Variants in FGD5 observed in about 807,000 individuals in gnomAD.
FGD5 encodes the protein FYVE, RhoGEF and PH domain-containing protein 5.
Under a neutral mutation model 133.4 loss-of-function variants are expected in FGD5, and 28 were observed. The observed-to-expected ratio is 0.21, with a 90% confidence interval of 0.16 to 0.29. FGD5 has a LOEUF of 0.29. Among genes scored for constraint, FGD5 ranks in the 10% least tolerant of loss-of-function variants. FGD5 has a pLI of 1.00. For synonymous variants in FGD5, 810 were observed against 776.5 expected (o/e 1.04, Z -0.72); for missense variants, 1,858 against 1,895.2 (o/e 0.98, Z 0.36).
chr3:14,814,787 A>G (rs1470556225), upstream of FGD5, among the ~76,000 whole-genome samples: 2 of 152,132 alleles, frequency 1.3e-5, no homozygotes, highest in African/African-American at 2.4e-5. Flanking sequence ...GCAAACTGAA[A>G]TTCTGGATTT....
intron 9 of FGD5, among the ~76,000 whole-genome samples, chr3:14,903,385 G>A (rs1575245828): frequency 6.6e-6 from 1 of 151,202 alleles, no homozygotes. Flanking sequence ...ATACTTTTAG[G>A]GTACATGTGC....
At chr3:14,845,382 G>C (rs1339036461) in intron 1 of FGD5, among the ~76,000 whole-genome samples, 1 of 152,232 alleles carries the variant, frequency 6.6e-6, no homozygotes, top group Non-Finnish European at 1.5e-5. Flanking sequence ...TAGTGATGGG[G>C]ATGCCCCTCC....
chr3:14,836,361 G>A (rs2036817329), intron 1 of FGD5, among the ~76,000 whole-genome samples: 1 of 152,216 alleles, frequency 6.6e-6, no homozygotes, highest in Non-Finnish European at 1.5e-5. Flanking sequence ...TCAAGGCTGG[G>A]TTCAGAGCTG....
chr3:14,835,911 A>G (rs1216346109), intron 1 of FGD5, among the ~76,000 whole-genome samples: 1 of 152,152 alleles, frequency 6.6e-6, no homozygotes, highest in Non-Finnish European at 1.5e-5. Context: ...ATTGTACCTG[A>G]TATGAAGAAG....
At chr3:14,855,233 G>T (rs1270233378) in intron 1 of FGD5, among the ~76,000 whole-genome samples, 1 of 152,080 alleles carries the variant, frequency 6.6e-6, no homozygotes, top group Non-Finnish European at 1.5e-5. Flanking sequence ...CGTTGTGTAT[G>T]TATTTTCATT....
At chr3:14,902,197 G>A (rs922448536) in intron 9 of FGD5, among the ~76,000 whole-genome samples, 4 of 151,444 alleles carry the variant, frequency 2.6e-5, no homozygotes, top group African/African-American at 7.3e-5. Flanking sequence ...CTAGAGAATC[G>A]CTTGAACCTG....
intron 4 of FGD5, among the ~76,000 whole-genome samples, chr3:14,883,773 A>G (rs1310575669): frequency 6.6e-6 from 1 of 152,142 alleles, no homozygotes; most frequent in East Asian, 1.9e-4. Flanking sequence ...AATTTACATT[A>G]CTCCATGTAA....
At chr3:14,862,134 C>CT in intron 1 of FGD5, among the ~76,000 whole-genome samples, 1 of 152,284 alleles carries the variant, frequency 6.6e-6, no homozygotes, top group African/African-American at 2.4e-5. Flanking sequence ...GGGTTTCTGG[C>CT]TTTCTGCCTG....
At chr3:14,907,885 CT>C (rs2038370216) in intron 10 of FGD5, among the ~76,000 whole-genome samples, 174 bp downstream of exon 10, 2 of 152,228 alleles carry the variant, frequency 1.3e-5, no homozygotes, top group African/African-American at 4.8e-5. Flanking sequence ...CAGTCCTAGG[CT>C]GCCTTCCCTG....
At chr3:14,906,630 G>A (rs1400282521) in intron 9 of FGD5, among the ~76,000 whole-genome samples, 2 of 152,192 alleles carry the variant, frequency 1.3e-5, no homozygotes, top group Admixed American at 1.3e-4. Context: ...AGATTCCCTC[G>A]CGTCTGCAGC....
At chr3:14,855,651 G>GTT (rs564359159) in intron 1 of FGD5, among the ~76,000 whole-genome samples, 14 of 147,838 alleles carry the variant, frequency 9.5e-5, no homozygotes, top group East Asian at 3.9e-4. Flanking sequence ...CCATTTGTAT[G>GTT]TTTTTTTTTT....
chr3:14,902,281 TAAAA>T (rs34728691), intron 9 of FGD5, among the ~76,000 whole-genome samples: 1 of 124,486 alleles, frequency 8.0e-6, no homozygotes, highest in Admixed American at 8.2e-5. Flanking sequence ...GATTCCATCT[TAAAA>T]AAAAAAAAAA....
intron 2 of FGD5, among the ~76,000 whole-genome samples, chr3:14,866,676 C>T (rs2037500199): frequency 6.6e-6 from 1 of 152,178 alleles, no homozygotes; most frequent in Non-Finnish European, 1.5e-5. Flanking sequence ...ACAATGCATG[C>T]CACTCAGGAA....
intron 4 of FGD5, among the ~76,000 whole-genome samples, chr3:14,889,531 C>T (rs963639096): frequency 6.6e-6 from 1 of 152,146 alleles, no homozygotes; most frequent in African/African-American, 2.4e-5. Context: ...CCATAAACAC[C>T]TGAAGTCATT....
intron 2 of FGD5, among the ~76,000 whole-genome samples, chr3:14,865,119 A>ACCCCCCCCCCCCCCCCCC (rs1216267069): frequency 7.1e-6 from 1 of 140,744 alleles, no homozygotes; most frequent in Non-Finnish European, 1.5e-5. Flanking sequence ...CCCCCACCCA[A>ACCCCCCCCCCCCCCCCCC]CCCACCCATC....
At chr3:14,867,092 T>C (rs1182121193) in intron 2 of FGD5, among the ~76,000 whole-genome samples, 3 of 152,240 alleles carry the variant, frequency 2.0e-5, no homozygotes. Context: ...ACCTACACTT[T>C]AATTGCACAA....
chr3:14,909,115 T>C (rs537773594), intron 10 of FGD5, among the ~76,000 whole-genome samples: 3 of 151,854 alleles, frequency 2.0e-5, no homozygotes, highest in African/African-American at 7.2e-5. Context: ...ATTACAGGCA[T>C]GTGCCACCAT....
At position 14,821,202 on chromosome 3, in the gene FGD5, G is replaced by A; in HGVS notation, c.2131G>A (p.Gly711Arg). The change falls in exon 1 of 20, where the codon GGG becomes AGG. Residue 711 changes from glycine (G) to arginine (R), a missense_variant. By Grantham distance (125) the Gly-to-Arg change is moderately radical (BLOSUM62 -2). Around this residue, in one of 3 missense-constraint regions of FGD5, gnomAD observed 1,824 missense variants for 1,848.9 expected, o/e 0.99. Transcript: ENST00000285046. ...SNSPQLKSRT[G>R]KLRASESPSS... is the part of the protein sequence containing the mutation. ...CTCCCCTCAGCTTAAGTCTCGGACT[G>A]GGAAGCTCCGGGCTTCTGAATCCCC... is the stretch of plus-strand genomic sequence containing the variant. 1 of 1,613,962 alleles carries A rather than the reference G, an allele frequency of 6.2e-7. No individual in the cohort carries two copies. The highest frequency in any genetic ancestry group is 8.5e-7 in the Non-Finnish European group (1 of 1,179,884).
rs1336003365 is a variant in FGD5, at chr3:14,922,147, A to C, written c.3669+130A>C. 9.3e-7 allele frequency: 1 copy of C among 1,077,702 alleles called. No individual in the cohort carries two copies. 66.8% of individuals were successfully genotyped at this position (1,077,702 alleles called of 1,614,324 possible). A position where few individuals can be genotyped will look rare whatever the true frequency, so the allele number is the denominator to read the frequency against. On this transcript the variant is annotated intron_variant, in intron 14 of 19. Coordinates refer to ENST00000285046, the MANE Select transcript of FGD5 (RefSeq NM_152536.4). This position sits in a 1 kb window ranked among gnomAD's most constrained non-coding sequence, Gnocchi z 4.1. Reference sequence around the variant, plus strand: ...GTCTTGGGGCACTGGCTCCCCCCACACCCCTGCCATGCTCCCACCCTAGTC... The same window carrying C: ...GTCTTGGGGCACTGGCTCCCCCCACCCCCCTGCCATGCTCCCACCCTAGTC...
Sources: gnomAD v4.1 joint callset for allele counts (sites outside exome capture counted in the v4.1 genomes callset) on GRCh38, gnomAD v4.1.1 for gene constraint, gnomAD v4.1.1 regional missense constraint, Gnocchi (gnomAD v3.1) non-coding constraint, MANE v1.5 for transcripts, NCBI Gene and HGNC (gene_info 2026-07-23, HGNC 2026-07-21) for gene names.